Variants in KMO observed in about 807,000 individuals in gnomAD.
KMO encodes the protein kynurenine 3-hydroxylase.
Under a neutral mutation model 57.8 loss-of-function variants are expected in KMO, and 24 were observed. The observed-to-expected ratio is 0.42, with a 90% CI of 0.30 to 0.58. KMO has a LOEUF of 0.58. Among genes scored for constraint, KMO ranks in the 20% least tolerant of loss-of-function variants. The pLI, the probability that KMO is intolerant of heterozygous loss-of-function variation, is 0.22. For synonymous variants in KMO, 210 were observed against 193.6 expected (o/e 1.08, Z -0.70); for missense variants, 483 against 588.2 (o/e 0.82, Z 1.85).
In KMO at chr1:241,592,671, C is replaced by T. The variant is rs762217433; in HGVS notation, c.*518C>T. The T allele has an allele frequency of 6.5e-6, 1 of 154,540 alleles. No individual in the cohort carries two copies. Among genetic ancestry groups the T allele is most frequent in the Non-Finnish European group, 1.4e-5 (1 of 69,862 alleles). 9.6% of individuals were successfully genotyped at this position (154,540 alleles called of 1,614,324 possible). On this transcript the variant is annotated 3_prime_UTR_variant, in exon 15 of 15. Coordinates refer to ENST00000366559, the MANE Select transcript of KMO (RefSeq NM_003679.5). ...GTTCCAGAGACTTACAAAATGAACT[C>T]ATTTTATTTTCCCACCTTCAAATAT...
chr1:241,556,189 C>A (rs1013804592), intron 5 of KMO, among the ~76,000 whole-genome samples: 11 of 152,182 alleles, frequency 7.2e-5, no homozygotes, highest in Non-Finnish European at 1.2e-4. Flanking sequence ...ACTGATGTGC[C>A]ATGGTGCAAT....
chr1:241,589,767 A>C (rs138901265), intron 12 of KMO, among the ~76,000 whole-genome samples: 2 of 152,204 alleles, frequency 1.3e-5, no homozygotes, highest in African/African-American at 4.8e-5. Flanking sequence ...GACTTCCTCT[A>C]TTGAACCCTG....
At chr1:241,579,775 C>T (rs912277020) in intron 10 of KMO, among the ~76,000 whole-genome samples, 2 of 152,136 alleles carry the variant, frequency 1.3e-5, no homozygotes, top group Admixed American at 6.5e-5. Context: ...CCATTCACCT[C>T]CCAGTTCTGG....
chr1:241,576,321 C>T (rs182485100), intron 10 of KMO, among the ~76,000 whole-genome samples: 13 of 152,080 alleles, frequency 8.5e-5, no homozygotes, highest in African/African-American at 2.9e-4. Flanking sequence ...TACCTAGATA[C>T]TTTGTTTTCT....
intron 10 of KMO, among the ~76,000 whole-genome samples, chr1:241,584,701 T>C (rs659887): frequency 0.29 from 43,595 of 152,072 alleles, 6,523 homozygotes; most frequent in East Asian, 0.43. Flanking sequence ...ATTTTGGTCA[T>C]TGGCATATAT....
rs766114693 is a variant in KMO at position 241,594,595 on chromosome 1, T to G, written c.*2442T>G. ...TCTTTCTGTGACATCACAATGGGTC[T>G]GATCTGCATTTCACTTCCAGCTGCT... On this transcript the variant is annotated 3_prime_UTR_variant, in exon 15 of 15. Transcript: ENST00000366559. 1 of 1,614,148 alleles carries G rather than the reference T, an allele frequency of 6.2e-7. No individual in the cohort carries two copies. The highest frequency in any genetic ancestry group is 8.5e-7 in the Non-Finnish European group (1 of 1,180,004).
chr1:241,566,609 G>A lies in KMO; in HGVS notation c.806G>A (p.Gly269Glu). 2 of 1,613,692 alleles carry A rather than the reference G, an allele frequency of 1.2e-6. No homozygotes were observed. Among genetic ancestry groups the A allele is most frequent in the Non-Finnish European group, 1.7e-6 (2 of 1,179,758 alleles). The change falls in exon 9 of 15, where the codon GGA (glycine) becomes GAA (glutamate). Residue 269 changes from glycine (G) to glutamate (E), a missense_variant. By Grantham distance (98) the Gly-to-Glu change is moderately conservative. Around this residue, in one of 3 missense-constraint regions of KMO, gnomAD observed 410 missense variants for 492.3 expected, o/e 0.83. Coordinates refer to ENST00000366559, the MANE Select transcript of KMO (RefSeq NM_003679.5). ...TTTCCGGATGCCATCCCTCTAATTG[G>A]AGAGTAAGTTGCAAGATGTGCCTTT... ...KYFPDAIPLI[G>E]EKLLVQDFFL...
intron 5 of KMO, among the ~76,000 whole-genome samples, chr1:241,557,530 A>G (rs3007736): frequency 0.29 from 44,065 of 152,066 alleles, 6,750 homozygotes; most frequent in East Asian, 0.4. Flanking sequence ...ACTTTAGTTG[A>G]TTCACCAGAT....
Position 241,588,797 on chromosome 1 carries a change from G to T in KMO, c.1065G>T (p.Ala355=). Residue 355 remains alanine, a synonymous_variant, in exon 12 of 15, where the codon GCG becomes GCT. Coordinates refer to ENST00000366559, the MANE Select transcript of KMO (RefSeq NM_003679.5). ...FSRLRIPDDH[A]ISDLSMYNYI... Reference sequence around the variant, plus strand: ...GATTGAGAATCCCAGATGATCACGCGATTTCAGACCTATCCATGTACAATT... The same window carrying T: ...GATTGAGAATCCCAGATGATCACGCTATTTCAGACCTATCCATGTACAATT... The T allele has an allele frequency of 1.2e-6, 2 of 1,613,394 alleles. No homozygotes were observed. The highest frequency in any genetic ancestry group is 1.7e-6 in the Non-Finnish European group (2 of 1,179,608).
chr1:241,589,893 A>T (rs1663177025), intron 12 of KMO, 119 bp from the exon 13 acceptor site: 3 of 806,420 alleles, frequency 3.7e-6, no homozygotes, highest in Non-Finnish European at 4.1e-6. Context: ...GAAACAAAAA[A>T]TTATTTGACT....
chr1:241,568,438 G>T lies in KMO; in HGVS notation c.810-62G>T, dbSNP rs1010631557. Reference sequence around the variant, plus strand: ...GATAGTTAATTTAGTAAACCTGAAAGAATTTAGCAGGATTTAATACCTAAT... The same window carrying T: ...GATAGTTAATTTAGTAAACCTGAAATAATTTAGCAGGATTTAATACCTAAT... On this transcript the variant is annotated intron_variant, in intron 9 of 14. Coordinates refer to ENST00000366559, the MANE Select transcript of KMO (RefSeq NM_003679.5). The T allele has an allele frequency of 5.4e-6, 8 of 1,488,934 alleles. No homozygotes were observed. The African/African-American group carries it at 9.8e-5, about 18-fold the overall frequency. 92.2% of individuals were successfully genotyped at this position (1,488,934 alleles called of 1,614,324 possible).
chr1:241,557,548 A>G (rs1022585796), intron 5 of KMO, among the ~76,000 whole-genome samples: 1 of 152,228 alleles, frequency 6.6e-6, no homozygotes, highest in African/African-American at 2.4e-5. Context: ...GATACAAGAA[A>G]GAGGGTTTAG....
chr1:241,548,531 A>C (rs934262656), intron 1 of KMO, among the ~76,000 whole-genome samples: 4 of 152,022 alleles, frequency 2.6e-5, no homozygotes, highest in African/African-American at 9.7e-5. Context: ...TTATTCTGTA[A>C]GATATATATG....
chr1:241,593,363 GGCT>G lies in KMO; in HGVS notation c.*1215_*1217del. Reference sequence around the variant, plus strand: ...TTCTTTGGTTCATCCTTCTTTAACAGGCTGCTGAGTCACTCAGAAATCCTTCAA... The same window carrying G: ...TTCTTTGGTTCATCCTTCTTTAACAGGCTGAGTCACTCAGAAATCCTTCAA... On this transcript the variant is annotated 3_prime_UTR_variant, in exon 15 of 15. Transcript: ENST00000366559. The G allele has an allele frequency of 2.3e-6, 1 of 439,068 alleles. No individual in the cohort carries two copies. The highest frequency in any genetic ancestry group is 1.7e-5 in the South Asian group (1 of 60,202). 27.2% of individuals were successfully genotyped at this position (439,068 alleles called of 1,614,324 possible).
At position 241,548,857 on chromosome 1, in the gene KMO, C is replaced by G. The variant is rs892439828; in HGVS notation, c.83C>G (p.Ala28Gly). ...GGCTCATTACAAGCATGCTTTCTTG[C>G]AAAGAGGAATTTCCAGATTGATGTA... is the stretch of plus-strand genomic sequence containing the variant. ...LVGSLQACFL[A>G]KRNFQIDVYE... Residue 28 changes from alanine (A) to glycine (G), a missense_variant, in exon 2 of 15, where the codon GCA becomes GGA. Ala to Gly is a moderately conservative substitution (Grantham distance 60). Coordinates refer to ENST00000366559, the MANE Select transcript of KMO (RefSeq NM_003679.5). The G allele has an allele frequency of 5.6e-6, 9 of 1,604,654 alleles. No individual in the cohort carries two copies. Among genetic ancestry groups the G allele is most frequent in the Non-Finnish European group, 7.7e-6 (9 of 1,172,332 alleles).
Position 241,555,679 on chromosome 1 carries a change from T to C in KMO, c.361+19T>C, listed in dbSNP as rs898115787. ...TTGACTGGTAAGTCTAATGTTTGAT[T>C]CATCAGTTGTCATTTTGAGTAAAGC... On this transcript the variant is annotated intron_variant, in intron 5 of 14. Coordinates refer to ENST00000366559, the MANE Select transcript of KMO (RefSeq NM_003679.5). 2 of 1,445,156 alleles carry C rather than the reference T, an allele frequency of 1.4e-6. No homozygotes were observed. The highest frequency in any genetic ancestry group is 1.9e-6 in the Non-Finnish European group (2 of 1,030,140). 89.5% of individuals were successfully genotyped at this position (1,445,156 alleles called of 1,614,324 possible). A position where few individuals can be genotyped will look rare whatever the true frequency, so the allele number is the denominator to read the frequency against.
chr1:241,560,069 A>G (rs1342995147), intron 5 of KMO, among the ~76,000 whole-genome samples: 1 of 152,220 alleles, frequency 6.6e-6, no homozygotes. Flanking sequence ...ATTGAAATTC[A>G]CTCAATTCTC....
At chr1:241,548,283 A>AT (rs936238914) in intron 1 of KMO, among the ~76,000 whole-genome samples, 2 of 152,160 alleles carry the variant, frequency 1.3e-5, no homozygotes, top group African/African-American at 4.8e-5. Flanking sequence ...AACTTAAAAA[A>AT]TTTTTAATGG....
intron 5 of KMO, among the ~76,000 whole-genome samples, chr1:241,556,533 A>C (rs994730550): frequency 6.6e-6 from 1 of 152,144 alleles, no homozygotes; most frequent in Non-Finnish European, 1.5e-5. Context: ...AAGAACTCAC[A>C]CTCTAATGGA....
Sources: gnomAD v4.1 joint callset for allele counts (sites outside exome capture counted in the v4.1 genomes callset) on GRCh38, gnomAD v4.1.1 for gene constraint, gnomAD v4.1.1 regional missense constraint, MANE v1.5 for transcripts, NCBI Gene and HGNC (gene_info 2026-07-23, HGNC 2026-07-21) for gene names.